The following FAT3 variants were observed in gnomAD, a reference collection of about 807,000 sequenced individuals.
FAT3 encodes the protein FAT atypical cadherin 3.
In FAT3, 95 loss-of-function variants were observed where a neutral mutation model predicts 310.2. The ratio of observed to expected loss-of-function variants is 0.31; its 90% CI spans 0.26 to 0.36. FAT3 has a LOEUF of 0.36. FAT3 is among the 10% of genes least tolerant of loss of function. The pLI is 1.00. For missense variants in FAT3, 5,408 were observed against 5,715.6 expected (o/e 0.95, Z 1.74); for synonymous variants, 2,314 against 2,192.9 (o/e 1.06, Z -1.54).
intron 4 of FAT3, among the ~76,000 whole-genome samples, chr11:92,726,376 A>G (rs1392427655): frequency 6.6e-6 from 1 of 152,190 alleles, no homozygotes; most frequent in Non-Finnish European, 1.5e-5. Flanking sequence ...AGTATCCTAT[A>G]TATTCATCAA....
intron 2 of FAT3, among the ~76,000 whole-genome samples, chr11:92,376,566 G>A (rs529674856): frequency 2.0e-5 from 3 of 152,116 alleles, no homozygotes; most frequent in Non-Finnish European, 4.4e-5. Context: ...TTGTTGCAGG[G>A]GAATATTTCC....
intron 3 of FAT3, among the ~76,000 whole-genome samples, chr11:92,688,518 C>A (rs1057360904): frequency 1.3e-5 from 2 of 152,160 alleles, no homozygotes; most frequent in South Asian, 4.1e-4. Context: ...TAGGAGAATT[C>A]TTTAAAAATA....
At chr11:92,290,241 A>G (rs1946656716) in intron 1 of FAT3, among the ~76,000 whole-genome samples, 1 of 151,846 alleles carries the variant, frequency 6.6e-6, no homozygotes, top group African/African-American at 2.4e-5. Flanking sequence ...ATTTGACTTT[A>G]TATATTACGG....
In FAT3 at chr11:92,429,658, T is replaced by C. The variant is rs572123411; in HGVS notation, c.3292+74254T>C. On this transcript the variant is annotated intron_variant, in intron 2 of 27. Coordinates refer to ENST00000525166, the MANE Select transcript of FAT3 (RefSeq NM_001367949.2). ...GTGTGAAGCTTTGTTTGGCTGGATA[T>C]GAAATTCTGGGTGGAAAATTCTTTT... is the stretch of plus-strand genomic sequence containing the variant. 3.0e-4 allele frequency among the ~76,000 whole-genome samples: 45 copies of C among 152,308 alleles called. No homozygotes were observed. In the South Asian group the frequency reaches 8.7e-3, roughly 29 times the overall value.
chr11:92,682,425 C>G (rs1487213405), intron 3 of FAT3, among the ~76,000 whole-genome samples: 1 of 152,080 alleles, frequency 6.6e-6, no homozygotes, highest in Non-Finnish European at 1.5e-5. Flanking sequence ...GGCGCATTAC[C>G]TAATTGGAGC....
Position 92,264,379 on chromosome 11 carries a change from A to G in FAT3, c.-18+39205A>G, listed in dbSNP as rs1428043149. Among the ~76,000 whole-genome samples, 3 of 152,232 alleles carry G rather than the reference A, an allele frequency of 2.0e-5. No individual in the cohort carries two copies. The East Asian group carries it at 5.8e-4, about 29-fold the overall frequency. On this transcript the variant is annotated intron_variant, in intron 1 of 27. Coordinates refer to ENST00000525166, the MANE Select transcript of FAT3 (RefSeq NM_001367949.2). ...TCCACATTTGAAGAAGAGATACAAA[A>G]TAGTTATCTATAATGTAAGTGAAAT...
intron 2 of FAT3, among the ~76,000 whole-genome samples, chr11:92,402,706 T>C (rs567285284): frequency 6.7e-6 from 1 of 149,714 alleles, no homozygotes; most frequent in African/African-American, 2.5e-5. Context: ...CGCTCCAGCA[T>C]AGGTGACAGA....
At chr11:92,666,278 G>C (rs548396048) in intron 3 of FAT3, among the ~76,000 whole-genome samples, 1 of 152,098 alleles carries the variant, frequency 6.6e-6, no homozygotes, top group East Asian at 1.9e-4. Context: ...TGTTAATTTG[G>C]CTGAGGAGCA....
chr11:92,615,495 C>A (rs1423846373), intron 3 of FAT3, among the ~76,000 whole-genome samples: 3 of 152,186 alleles, frequency 2.0e-5, no homozygotes, highest in Non-Finnish European at 2.9e-5. Flanking sequence ...GATCCACCCA[C>A]CTCAGCCTCC....
At chr11:92,457,136 C>T (rs1007643723) in intron 2 of FAT3, among the ~76,000 whole-genome samples, 1 of 152,134 alleles carries the variant, frequency 6.6e-6, no homozygotes, top group African/African-American at 2.4e-5. Context: ...AAAGAGCCTC[C>T]AGTTAGCAGG....
intron 3 of FAT3, among the ~76,000 whole-genome samples, chr11:92,662,691 A>T (rs1369094557): frequency 2.0e-5 from 3 of 152,202 alleles, no homozygotes; most frequent in African/African-American, 4.8e-5. Flanking sequence ...AAGGGTCATG[A>T]TACGTAGAGA....
At chr11:92,884,161 G>A (rs73560545) in intron 24 of FAT3, among the ~76,000 whole-genome samples, 23,864 of 152,192 alleles carry the variant, frequency 0.16, 1,902 homozygotes, top group East Asian at 0.23. Context: ...AAGGAGCTTG[G>A]TGTGTAGAAG....
chr11:92,301,978 G>A (rs1947009480), intron 1 of FAT3, among the ~76,000 whole-genome samples: 1 of 152,044 alleles, frequency 6.6e-6, no homozygotes, highest in South Asian at 2.1e-4. Context: ...AAAGGGCAAG[G>A]AAGGGGTTAA....
rs1002217581 is a variant in FAT3 at position 92,805,481 on chromosome 11, A to G, written c.9093+132A>G. The G allele has an allele frequency of 4.6e-6, 4 of 863,836 alleles. No homozygotes were observed. In the African/African-American group the frequency reaches 5.1e-5, roughly 11 times the overall value. The allele number at this position is 863,836 out of a possible 1,614,324, so 53.5% of individuals were successfully genotyped here. On this transcript the variant is annotated intron_variant, in intron 11 of 27. Transcript: ENST00000525166. ...CAATTGGGTGTGGGTATAAGAGGGT[A>G]GGAGGTGAAGTTTAGGAAGAAATAT...
intron 4 of FAT3, among the ~76,000 whole-genome samples, chr11:92,744,047 C>A (rs935240520): frequency 6.6e-6 from 1 of 152,096 alleles, no homozygotes; most frequent in African/African-American, 2.4e-5. Context: ...ATGTTGTAAG[C>A]AATAGAAAGC....
intron 1 of FAT3, among the ~76,000 whole-genome samples, chr11:92,299,271 C>A (rs1946930063): frequency 6.6e-6 from 1 of 151,982 alleles, no homozygotes; most frequent in Non-Finnish European, 1.5e-5. Context: ...TGGAAGTACC[C>A]AAGAAAGACA....
chr11:92,722,718 G>A (rs1297152884), intron 4 of FAT3, among the ~76,000 whole-genome samples: 3 of 152,222 alleles, frequency 2.0e-5, no homozygotes, highest in Non-Finnish European at 4.4e-5. Context: ...CTAGGTGGAT[G>A]TTCCCAAACC....
At chr11:92,708,544 G>A in intron 4 of FAT3, among the ~76,000 whole-genome samples, 1 of 152,212 alleles carries the variant, frequency 6.6e-6, no homozygotes, top group Non-Finnish European at 1.5e-5. Flanking sequence ...CATTGCACAT[G>A]TTAAGTGTTT....
chr11:92,350,333 A>G (rs1306699979), intron 1 of FAT3, among the ~76,000 whole-genome samples: 1 of 150,564 alleles, frequency 6.6e-6, no homozygotes, highest in Non-Finnish European at 1.5e-5. Context: ...TAATATTTTA[A>G]TATGTTAAAC....
Sources: gnomAD v4.1 joint callset for allele counts (sites outside exome capture counted in the v4.1 genomes callset) on GRCh38, gnomAD v4.1.1 for gene constraint, MANE v1.5 for transcripts, NCBI Gene and HGNC (gene_info 2026-07-23, HGNC 2026-07-21) for gene names.